Variants in ZP2 observed in about 807,000 individuals in gnomAD.
The protein encoded by ZP2 is zona pellucida glycoprotein 2.
A neutral mutation model predicts 84.0 loss-of-function variants in ZP2; 51 were observed. The ratio of observed to expected loss-of-function variants is 0.61; its 90% CI spans 0.49 to 0.77. The LOEUF (loss-of-function observed/expected upper bound fraction) is 0.77, where lower values mean the gene tolerates loss of function less well. Among genes scored for constraint, ZP2 ranks in the 30% least tolerant of loss-of-function variants. ZP2 has a pLI of 0.00. For missense variants in ZP2, 909 were observed against 911.9 expected (o/e 1.00, Z 0.04); for synonymous variants, 375 against 330.9 (o/e 1.13, Z -1.45).
Position 21,211,488 on chromosome 16 carries a change from C to T in ZP2, c.60G>A (p.Trp20Ter), listed in dbSNP as rs755149236. Reference sequence around the variant, plus strand: ...CCTCCACTTCCAGAATTACTCACCTCCAGCCTGCATTGAACCAGCCTGAGG... The same window carrying T: ...CCTCCACTTCCAGAATTACTCACCTTCAGCCTGCATTGAACCAGCCTGAGG... The part of the protein sequence containing the change: ...WSPSGWFNAG[W>*]STYRSISLFF... The change falls in exon 1 of 19, where the codon TGG (tryptophan) becomes TGA (stop). Residue 20 changes from tryptophan to a stop codon, truncating the protein, a stop_gained and splice_region_variant. Coordinates refer to ENST00000574091, the MANE Select transcript of ZP2 (RefSeq NM_001376232.1). LOFTEE classifies it high-confidence loss of function. The T allele has an allele frequency of 3.1e-6, 5 of 1,614,058 alleles. No individual in the cohort carries two copies. In the African/African-American group the frequency reaches 6.7e-5, roughly 22 times the overall value.
At chr16:21,210,660 C>T (rs542229498) in intron 2 of ZP2, among the ~76,000 whole-genome samples, 24 of 152,074 alleles carry the variant, frequency 1.6e-4, no homozygotes, top group Non-Finnish European at 2.6e-4. Context: ...CCTCAACCTC[C>T]GCCTCCCAGG....
In ZP2 at chr16:21,198,798, TGAC is replaced by T. The variant is rs757402292; in HGVS notation, c.1989_1991del (p.Ser664del). 54 of 1,614,110 alleles carry T rather than the reference TGAC, an allele frequency of 3.3e-5. No homozygotes were observed. The African/African-American group carries it at 6.7e-4, about 20-fold the overall frequency. On this transcript the variant is annotated inframe_deletion, in exon 17 of 19. Coordinates refer to ENST00000574091, the MANE Select transcript of ZP2 (RefSeq NM_001376232.1). ...CCATACCTCTGAATGAGGAGTCATC[TGAC>T]AACAGGAGAATGGGTCCTGGGAGGC...
At chr16:21,211,987 G>C (rs1177487286), upstream of ZP2, among the ~76,000 whole-genome samples, 1 of 151,272 alleles carries the variant, frequency 6.6e-6, no homozygotes, top group Non-Finnish European at 1.5e-5. Flanking sequence ...GAGTGCACTG[G>C]TGCAATCTCG....
chr16:21,205,906 C>A, intron 5 of ZP2, 131 bp from the exon 6 acceptor site: 1 of 813,158 alleles, frequency 1.2e-6, no homozygotes, highest in Non-Finnish European at 2.1e-6. Context: ...GCACATGAAC[C>A]CTGACTGTGC....
chr16:21,213,539 C>G (rs1037733460), upstream of ZP2, among the ~76,000 whole-genome samples: 1 of 152,142 alleles, frequency 6.6e-6, no homozygotes, highest in African/African-American at 2.4e-5. Context: ...GGGTCCCACC[C>G]AAAAGCTGCT....
Position 21,204,044 on chromosome 16 carries a change from G to A in ZP2, c.958C>T (p.Leu320=), listed in dbSNP as rs770153547. 10 of 1,613,610 alleles carry A rather than the reference G, an allele frequency of 6.2e-6. No individual in the cohort carries two copies. Among genetic ancestry groups the A allele is most frequent in the South Asian group, 1.1e-5 (1 of 91,082 alleles). The change falls in exon 9 of 19, where the codon CTG becomes TTG. Residue 320 remains leucine, a synonymous_variant. Coordinates refer to ENST00000574091, the MANE Select transcript of ZP2 (RefSeq NM_001376232.1). Reference sequence around the variant, plus strand: ...ATTGAACATACTTTCGTTTTGAGCAGAGTTTTGCTGAAATGCAATTTCATG... The same window carrying A: ...ATTGAACATACTTTCGTTTTGAGCAAAGTTTTGCTGAAATGCAATTTCATG... ...NGMKLHFSKT[L]LKTKLSEKCL...
In ZP2 at chr16:21,203,135, G is replaced by A. The variant is rs140032829; in HGVS notation, c.1089C>T (p.Pro363=). ...ATAAAAGGTCTTTACCTATAGAAACGGGTGACTCACAGAGACACTCAGGAT... is the reference window on the plus strand; with the variant it reads ...ATAAAAGGTCTTTACCTATAGAAACAGGTGACTCACAGAGACACTCAGGAT... ...VIYPECLCES[P]VSIVTGELCT... is the part of the protein sequence containing the mutation. Residue 363 remains proline (P), a synonymous_variant, in exon 10 of 19, where the codon CCC becomes CCT. Coordinates refer to ENST00000574091, the MANE Select transcript of ZP2 (RefSeq NM_001376232.1). The A allele has an allele frequency of 2.7e-5, 43 of 1,612,916 alleles. No homozygotes were observed. Among genetic ancestry groups the A allele is most frequent in the African/African-American group, 1.1e-4 (8 of 74,866 alleles).
intron 4 of ZP2, among the ~76,000 whole-genome samples, chr16:21,209,367 C>A (rs980738189): frequency 3.9e-5 from 6 of 152,160 alleles, no homozygotes; most frequent in Non-Finnish European, 5.9e-5. Context: ...TGGGGTTTCA[C>A]CATGTTGGCC....
chr16:21,211,220 C>T, intron 2 of ZP2, 87 bp downstream of exon 2: 1 of 1,181,230 alleles, frequency 8.5e-7, no homozygotes, highest in African/African-American at 1.5e-5. Flanking sequence ...GTTGTCTGAG[C>T]CAGGCCTGTG....
At chr16:21,203,939 C>G in intron 9 of ZP2, 91 bp downstream of exon 9, 1 of 1,431,110 alleles carries the variant, frequency 7.0e-7, no homozygotes. Flanking sequence ...TTAGAGCTCA[C>G]GGGCAAGTTA....
chr16:21,205,640 TA>T, intron 6 of ZP2, 56 bp from the exon 7 acceptor site: 5 of 1,612,368 alleles, frequency 3.1e-6, no homozygotes, highest in Non-Finnish European at 4.2e-6. Context: ...AAGTCTCTGG[TA>T]GTCTAACAAT....
chr16:21,200,159 C>T (rs2093218633), intron 14 of ZP2, among the ~76,000 whole-genome samples: 1 of 152,126 alleles, frequency 6.6e-6, no homozygotes, highest in African/African-American at 2.4e-5. Flanking sequence ...GTTTCTTGGC[C>T]AGGTGCAGTA....
At chr16:21,213,069 G>C (rs566852722), upstream of ZP2, among the ~76,000 whole-genome samples, 92 of 152,310 alleles carry the variant, frequency 6.0e-4, no homozygotes, top group African/African-American at 2.0e-3. Context: ...ATTTGAGATG[G>C]AGTCTTGCTC....
Position 21,211,241 on chromosome 16 carries a change from A to C in ZP2, c.151+66T>G, listed in dbSNP as rs552452601. 39 of 1,442,816 alleles carry C rather than the reference A, an allele frequency of 2.7e-5. No homozygotes were observed. The African/African-American group carries it at 4.2e-4, about 16-fold the overall frequency. 89.4% of individuals were successfully genotyped at this position (1,442,816 alleles called of 1,614,324 possible). On this transcript the variant is annotated intron_variant, in intron 2 of 18. Transcript: ENST00000574091. ...TGAGCCAGGCCTGTGTTTCTTGGCC[A>C]GCTAGGCCTTCCAGCTGCAACCTGT...
intron 18 of ZP2, 31 bp from the exon 19 acceptor site, chr16:21,197,653 G>C (rs771469702): frequency 1.2e-6 from 2 of 1,613,772 alleles, no homozygotes; most frequent in South Asian, 2.2e-5. Flanking sequence ...TGAGTCTTAA[G>C]TATTTTTAAA....
In ZP2 at chr16:21,201,496, G is replaced by T. The variant is rs1365327703; in HGVS notation, c.1567C>A (p.Pro523Thr). Residue 523 changes from proline (P) to threonine (T), a missense_variant, in exon 14 of 19, where the codon CCA becomes ACA. Transcript: ENST00000574091. ...AGGACTCTCACTTCCATGTAAATTG[G>T]TTGGCGGAGGAATCTCACTAGAGGG... ...EYPLVRFLRQ[P>T]IYMEVRVLNR... 6.2e-7 allele frequency: 1 copy of T among 1,613,606 alleles called. No homozygotes were observed. Among genetic ancestry groups the T allele is most frequent in the African/African-American group, 1.3e-5 (1 of 74,916 alleles).
intron 2 of ZP2, among the ~76,000 whole-genome samples, chr16:21,210,878 T>G (rs77246757): frequency 1.1e-5 from 1 of 92,094 alleles, no homozygotes; most frequent in Admixed American, 1.1e-4. Flanking sequence ...CCTGGCTGCA[T>G]TTTTTTTTTT....
chr16:21,206,706 C>T (rs2093251314), intron 5 of ZP2, 132 bp downstream of exon 5: 2 of 1,209,422 alleles, frequency 1.7e-6, no homozygotes, highest in Admixed American at 2.0e-5. Context: ...AAAGTTAAAC[C>T]TCATCACACA....
chr16:21,203,001 C>T lies in ZP2; in HGVS notation c.1099+124G>A. 2.6e-6 allele frequency: 3 copies of T among 1,175,596 alleles called. No homozygotes were observed. The South Asian group carries it at 5.3e-5, about 21-fold the overall frequency. 72.8% of individuals were successfully genotyped at this position (1,175,596 alleles called of 1,614,324 possible). A position where few individuals can be genotyped will look rare whatever the true frequency, so the allele number is the denominator to read the frequency against. On this transcript the variant is annotated intron_variant, in intron 10 of 18. Transcript: ENST00000574091. ...AGCAGCTACACTGTTTCTAATCTGA[C>T]TAGTCTTTAGTTTCTTCAGTCTATA...
Sources: allele counts gnomAD v4.1 joint callset (sites outside exome capture counted in the v4.1 genomes callset), GRCh38; gene constraint gnomAD v4.1.1; transcripts MANE v1.5; gene names NCBI Gene and HGNC (gene_info 2026-07-23, HGNC 2026-07-21).